The following SLC25A31 variants were observed in gnomAD, a reference collection of about 807,000 sequenced individuals.
SLC25A31 encodes the protein solute carrier family 25 member 31, also known as ADP/ATP translocase 4.
In SLC25A31, 40 loss-of-function variants were observed where a neutral mutation model predicts 36.2. The observed-to-expected ratio is 1.10, with a 90% CI of 0.86 to 1.44. The LOEUF is 1.44. Ranked by LOEUF, SLC25A31 falls within the 40% of genes most tolerant of loss-of-function variation. The pLI, the probability that SLC25A31 is intolerant of heterozygous loss-of-function variation, is 0.00. For missense variants in SLC25A31, 350 were observed against 397.1 expected (o/e 0.88, Z 1.01); for synonymous variants, 143 against 149.7 (o/e 0.96, Z 0.32).
At chr4:127,750,671 A>T (rs1731913588) in intron 2 of SLC25A31, among the ~76,000 whole-genome samples, 1 of 152,208 alleles carries the variant, frequency 6.6e-6, no homozygotes, top group African/African-American at 2.4e-5. Context: ...ACTTAAGTTG[A>T]TAATCACCTT....
intron 2 of SLC25A31, among the ~76,000 whole-genome samples, chr4:127,748,800 C>T (rs938549332): frequency 6.6e-6 from 1 of 152,160 alleles, no homozygotes; most frequent in African/African-American, 2.4e-5. Context: ...AACCAGTTTT[C>T]TAAGACTGCA....
chr4:127,730,555 G>C lies in SLC25A31; in HGVS notation c.10G>C (p.Glu4Gln), dbSNP rs1348964208. The C allele has an allele frequency of 1.2e-6, 2 of 1,613,680 alleles. No individual in the cohort carries two copies. The highest frequency in any genetic ancestry group is 2.7e-5 in the African/African-American group (2 of 74,922). Residue 4 changes from glutamate to glutamine, a missense_variant, in exon 1 of 6, where the codon GAG becomes CAG. By Grantham distance (29) the Glu-to-Gln change is conservative. Coordinates refer to ENST00000281154, the MANE Select transcript of SLC25A31 (RefSeq NM_031291.4). ...TATATCCTTCTCCATCATGCATCGT[G>C]AGCCTGCGAAAAAGAAGGCAGAAAA... MHR[E>Q]PAKKKAEKRL...
chr4:127,738,895 ACT>A (rs1218601195), intron 1 of SLC25A31, among the ~76,000 whole-genome samples: 1 of 149,218 alleles, frequency 6.7e-6, no homozygotes, highest in Non-Finnish European at 1.5e-5. Flanking sequence ...GCTGGTTTAA[ACT>A]CTGTTATATC....
intron 1 of SLC25A31, among the ~76,000 whole-genome samples, chr4:127,736,183 T>G (rs1221055577): frequency 6.6e-6 from 1 of 152,146 alleles, no homozygotes; most frequent in Admixed American, 6.5e-5. Context: ...ATGCCTAACA[T>G]TCTTGTTCTT....
At chr4:127,736,893 A>G (rs112920186) in intron 1 of SLC25A31, among the ~76,000 whole-genome samples, 8 of 152,378 alleles carry the variant, frequency 5.3e-5, no homozygotes, top group South Asian at 2.1e-4. Context: ...TGCATTATGC[A>G]TAGAGTAGAT....
intron 1 of SLC25A31, 70 bp from the exon 2 acceptor site, chr4:127,744,602 T>C: frequency 7.3e-7 from 1 of 1,378,050 alleles, no homozygotes; most frequent in Non-Finnish European, 9.7e-7. Context: ...TATAGCTAAA[T>C]TTGCTAAAAC....
chr4:127,739,076 G>T (rs1323508140), intron 1 of SLC25A31, among the ~76,000 whole-genome samples: 1 of 152,064 alleles, frequency 6.6e-6, no homozygotes, highest in African/African-American at 2.4e-5. Flanking sequence ...TCTTTTAAAC[G>T]GGGTGGTTAG....
At chr4:127,731,863 A>G (rs1731533840) in intron 1 of SLC25A31, among the ~76,000 whole-genome samples, 1 of 152,190 alleles carries the variant, frequency 6.6e-6, no homozygotes, top group African/African-American at 2.4e-5. Context: ...GTCATGCAAA[A>G]GAATTCATAA....
intron 1 of SLC25A31, among the ~76,000 whole-genome samples, chr4:127,744,257 A>C (rs1731782603): frequency 6.6e-6 from 1 of 152,228 alleles, no homozygotes; most frequent in South Asian, 2.1e-4. Flanking sequence ...CATTCTCATA[A>C]GTATGTGTAC....
At chr4:127,754,982 G>A (rs1337876565) in intron 2 of SLC25A31, among the ~76,000 whole-genome samples, 1 of 152,148 alleles carries the variant, frequency 6.6e-6, no homozygotes, top group Non-Finnish European at 1.5e-5. Context: ...AAGCCCAGAA[G>A]TAAACTCACA....
At chr4:127,752,552 G>A (rs149306149) in intron 2 of SLC25A31, among the ~76,000 whole-genome samples, 2 of 148,970 alleles carry the variant, frequency 1.3e-5, no homozygotes, top group East Asian at 2.0e-4. Context: ...ATGTACCCTA[G>A]AACTTAAAGT....
intron 2 of SLC25A31, among the ~76,000 whole-genome samples, chr4:127,754,293 A>G (rs1368197241): frequency 6.6e-6 from 1 of 152,158 alleles, no homozygotes; most frequent in African/African-American, 2.4e-5. Context: ...TAGCCAGAGC[A>G]ATTAGACAAG....
chr4:127,762,829 C>T (rs566868278), intron 2 of SLC25A31, among the ~76,000 whole-genome samples: 5 of 151,438 alleles, frequency 3.3e-5, no homozygotes, highest in African/African-American at 1.2e-4. Flanking sequence ...GAGGCTGAGG[C>T]AGGAGAATGG....
intron 2 of SLC25A31, among the ~76,000 whole-genome samples, chr4:127,746,407 C>T (rs1409703859): frequency 6.6e-6 from 1 of 152,196 alleles, no homozygotes; most frequent in Non-Finnish European, 1.5e-5. Flanking sequence ...CTCCCACCAA[C>T]AGTATAAGTG....
At chr4:127,733,196 A>G (rs1731562252) in intron 1 of SLC25A31, among the ~76,000 whole-genome samples, 1 of 152,236 alleles carries the variant, frequency 6.6e-6, no homozygotes, top group South Asian at 2.1e-4. Flanking sequence ...TCAGAAGTTT[A>G]CTAAGAGTTC....
intron 1 of SLC25A31, among the ~76,000 whole-genome samples, chr4:127,735,380 C>G (rs1463134452): frequency 6.6e-6 from 1 of 152,160 alleles, no homozygotes; most frequent in Non-Finnish European, 1.5e-5. Flanking sequence ...TAACTTTGCT[C>G]TAATATCATC....
intron 2 of SLC25A31, among the ~76,000 whole-genome samples, chr4:127,762,553 A>G (rs1161211625): frequency 6.6e-6 from 1 of 152,202 alleles, no homozygotes; most frequent in South Asian, 2.1e-4. Flanking sequence ...TACGCTTTAC[A>G]TAGGTGAATT....
At chr4:127,768,137 TATTTATTAGTATAATAAATA>T (rs1317054045) in intron 4 of SLC25A31, among the ~76,000 whole-genome samples, 1 of 151,896 alleles carries the variant, frequency 6.6e-6, no homozygotes, top group East Asian at 1.9e-4. Flanking sequence ...ATATCAGTAT[TATTTATTAGTATAATAAATA>T]ATTATACTAT....
At chr4:127,746,865 GAT>G (rs1022238750) in intron 2 of SLC25A31, among the ~76,000 whole-genome samples, 3 of 152,146 alleles carry the variant, frequency 2.0e-5, no homozygotes, top group Non-Finnish European at 4.4e-5. Flanking sequence ...TGTCAAGGAT[GAT>G]ATTGCCTGGG....
Sources: gnomAD v4.1 joint callset for allele counts (sites outside exome capture counted in the v4.1 genomes callset) on GRCh38, gnomAD v4.1.1 for gene constraint, MANE v1.5 for transcripts, NCBI Gene and HGNC (gene_info 2026-07-23, HGNC 2026-07-21) for gene names.